Variants in RBFOX1 observed in about 807,000 individuals in gnomAD.
The protein encoded by RBFOX1 is RNA binding fox-1 homolog 1, also known as RNA binding protein fox-1 homolog 1.
A neutral mutation model predicts 57.7 loss-of-function variants in RBFOX1; 8 were observed. The observed-to-expected ratio is 0.14, with a 90% CI of 0.08 to 0.25. The LOEUF (loss-of-function observed/expected upper bound fraction) is 0.25, where lower values mean the gene tolerates loss of function less well. Among genes scored for constraint, RBFOX1 ranks in the 10% least tolerant of loss-of-function variants. The pLI, the probability that RBFOX1 is intolerant of heterozygous loss-of-function variation, is 1.00. For synonymous variants in RBFOX1, 326 were observed against 222.4 expected, an observed-to-expected ratio of 1.47 and a Z score of -4.15; for missense variants, 611 against 548.5, an observed-to-expected ratio of 1.11 and a Z score of -1.14.
rs34988811 is a variant in RBFOX1 at position 6,331,608 on chromosome 16, G to GTA, written c.-64+14566_-64+14567dup. On this transcript the variant is annotated intron_variant, in intron 2 of 15. Coordinates refer to ENST00000550418, the MANE Select transcript of RBFOX1 (RefSeq NM_018723.4). ...TATATATGTGTGTGTATATATATGT[G>GTA]TATATATATATATATAATCTATCTG... Among the ~76,000 whole-genome samples the GTA allele has an allele frequency of 1.4e-3, 203 of 147,016 alleles. 2 individuals carry two copies. Among genetic ancestry groups the GTA allele is most frequent in the Admixed American group, 7.9e-3 (115 of 14,612 alleles).
chr16:7,001,416 AT>A, intron 3 of RBFOX1, among the ~76,000 whole-genome samples: 1 of 139,612 alleles, frequency 7.2e-6, no homozygotes, highest in South Asian at 2.2e-4. Context: ...GTATATGTAT[AT>A]GTATATGTAT....
intron 1 of RBFOX1, among the ~76,000 whole-genome samples, chr16:6,078,090 G>C (rs2095937087): frequency 6.6e-6 from 1 of 152,118 alleles, no homozygotes; most frequent in African/African-American, 2.4e-5. Flanking sequence ...CTAATCTTTA[G>C]ATTTCTCATC....
At chr16:6,201,703 G>C (rs969006042) in intron 1 of RBFOX1, among the ~76,000 whole-genome samples, 1 of 152,076 alleles carries the variant, frequency 6.6e-6, no homozygotes, top group Non-Finnish European at 1.5e-5. Context: ...AATGGTAAAC[G>C]CTTGAGGTGA....
At chr16:7,025,411 T>G (rs2040599135) in intron 3 of RBFOX1, among the ~76,000 whole-genome samples, 1 of 152,128 alleles carries the variant, frequency 6.6e-6, no homozygotes. Context: ...GACCTGTATT[T>G]TGTGCTGACC....
chr16:7,548,598 G>T (rs983980656), intron 5 of RBFOX1, among the ~76,000 whole-genome samples: 1 of 152,196 alleles, frequency 6.6e-6, no homozygotes, highest in Non-Finnish European at 1.5e-5. Flanking sequence ...ACACACATGC[G>T]GTTGCACGGA....
intron 4 of RBFOX1, among the ~76,000 whole-genome samples, chr16:5,919,720 C>A (rs972979635): frequency 6.6e-6 from 1 of 152,154 alleles, no homozygotes; most frequent in Non-Finnish European, 1.5e-5. Flanking sequence ...GATCTCGTTT[C>A]AAAACATTTT....
intron 4 of RBFOX1, among the ~76,000 whole-genome samples, chr16:7,250,422 C>G (rs976662297): frequency 6.6e-6 from 1 of 152,196 alleles, no homozygotes; most frequent in Non-Finnish European, 1.5e-5. Context: ...TTTGTGTCTT[C>G]TAAGTGAAAT....
chr16:6,527,275 T>A (rs1338884305), intron 2 of RBFOX1, among the ~76,000 whole-genome samples: 1 of 152,174 alleles, frequency 6.6e-6, no homozygotes, highest in East Asian at 1.9e-4. Context: ...TTTTGTATTG[T>A]CTGTATATTT....
chr16:7,268,542 A>T (rs867381505), intron 4 of RBFOX1, among the ~76,000 whole-genome samples: 5 of 152,278 alleles, frequency 3.3e-5, no homozygotes, highest in South Asian at 4.1e-4. Context: ...TTGAATTGCC[A>T]ATTGACTTGC....
At chr16:5,885,288 C>T (rs1000336285) in intron 4 of RBFOX1, among the ~76,000 whole-genome samples, 9 of 150,854 alleles carry the variant, frequency 6.0e-5, no homozygotes, top group African/African-American at 1.5e-4. Flanking sequence ...TGTGTTCTTA[C>T]CCAGAATGTC....
chr16:6,425,845 A>C (rs1814463031), intron 2 of RBFOX1, among the ~76,000 whole-genome samples: 1 of 152,058 alleles, frequency 6.6e-6, no homozygotes, highest in African/African-American at 2.4e-5. Flanking sequence ...ATGGAGGGAA[A>C]ATTTACATAG....
At chr16:6,754,209 G>A (rs78049370) in intron 3 of RBFOX1, among the ~76,000 whole-genome samples, 1,865 of 152,262 alleles carry the variant, frequency 0.012, 33 homozygotes, top group Middle Eastern at 0.048. Context: ...CTAGGAAAGT[G>A]TCTATGCTCT....
chr16:6,847,302 C>T (rs1175345897), intron 3 of RBFOX1, among the ~76,000 whole-genome samples: 4 of 152,164 alleles, frequency 2.6e-5, no homozygotes, highest in Non-Finnish European at 5.9e-5. Flanking sequence ...CTCATTTGGA[C>T]AGCTCTGCTT....
intron 1 of RBFOX1, among the ~76,000 whole-genome samples, chr16:5,355,660 G>A (rs1281851198): frequency 1.3e-5 from 2 of 152,152 alleles, no homozygotes; most frequent in African/African-American, 2.4e-5. Context: ...CTCCAAAATA[G>A]GTCCAAGTCC....
At chr16:6,682,903 G>GA (rs575993908) in intron 3 of RBFOX1, among the ~76,000 whole-genome samples, 2 of 143,556 alleles carry the variant, frequency 1.4e-5, no homozygotes, top group Non-Finnish European at 3.1e-5. Flanking sequence ...GGAAGGATAA[G>GA]AAAAAAAACT....
At chr16:5,878,496 C>T (rs1656400757) in intron 4 of RBFOX1, among the ~76,000 whole-genome samples, 1 of 152,118 alleles carries the variant, frequency 6.6e-6, no homozygotes, top group Non-Finnish European at 1.5e-5. Context: ...CCTTCTGAAC[C>T]AGCGGTCCAG....
chr16:6,270,726 G>A (rs2075112104), intron 1 of RBFOX1, among the ~76,000 whole-genome samples: 1 of 152,126 alleles, frequency 6.6e-6, no homozygotes, highest in African/African-American at 2.4e-5. Context: ...CATCAACGAG[G>A]ACTAATCAAC....
intron 14 of RBFOX1, among the ~76,000 whole-genome samples, chr16:7,695,049 A>G (rs956123707): frequency 6.6e-6 from 1 of 152,218 alleles, no homozygotes; most frequent in Non-Finnish European, 1.5e-5. Flanking sequence ...ACAGAAAATG[A>G]AAGTTTGCAT....
At chr16:6,756,981 AACAG>A (rs550007596) in intron 3 of RBFOX1, among the ~76,000 whole-genome samples, 2,920 of 75,638 alleles carry the variant, frequency 0.039, 38 homozygotes, top group Middle Eastern at 0.061. Flanking sequence ...ATCTCAAACA[AACAG>A]ACAAACAAAC....
Sources: allele counts gnomAD v4.1 joint callset (sites outside exome capture counted in the v4.1 genomes callset), GRCh38; gene constraint gnomAD v4.1.1; transcripts MANE v1.5; gene names NCBI Gene and HGNC (gene_info 2026-07-23, HGNC 2026-07-21).